The following ZNF224 variants were observed in gnomAD, a reference collection of about 807,000 sequenced individuals.
ZNF224 encodes zinc finger protein 224, also known as bone marrow zinc finger 2.
In ZNF224, 8 loss-of-function variants were observed where a neutral mutation model predicts 10.5. That is an observed-to-expected ratio of 0.76 (90% CI 0.45 to 1.37). The LOEUF (loss-of-function observed/expected upper bound fraction) is 1.37. ZNF224 is among the 40% of genes most tolerant of loss of function. The pLI is 0.00. For missense variants in ZNF224, 754 were observed against 854.0 expected (o/e 0.88, Z 1.46); for synonymous variants, 282 against 287.8 (o/e 0.98, Z 0.20).
chr19:44,102,629 G>C (rs1460812482), intron 5 of ZNF224, among the ~76,000 whole-genome samples: 1 of 152,182 alleles, frequency 6.6e-6, no homozygotes, highest in Non-Finnish European at 1.5e-5. Context: ...TGATTGCCTT[G>C]TGTGTTTACG....
chr19:44,100,523 G>A (rs568896703), intron 3 of ZNF224, among the ~76,000 whole-genome samples: 1 of 152,316 alleles, frequency 6.6e-6, no homozygotes, highest in South Asian at 2.1e-4. Flanking sequence ...AGCCCAGGAT[G>A]CCACATTTAG....
At chr19:44,098,014 G>A (rs1967475463) in intron 3 of ZNF224, 126 bp downstream of exon 3, 3 of 981,192 alleles carry the variant, frequency 3.1e-6, no homozygotes, top group South Asian at 1.7e-5. Flanking sequence ...TGTGTACCAT[G>A]TACTTCCTTT....
In ZNF224 at chr19:44,107,295, A is replaced by T; in HGVS notation, c.1135A>T (p.Lys379Ter). ...GCCATATAATTGTAAAGAGTGTGGGAAGAGCTTCAGATGGGCCTCGTGTCT... is the reference window on the plus strand; with the variant it reads ...GCCATATAATTGTAAAGAGTGTGGGTAGAGCTTCAGATGGGCCTCGTGTCT... ...EKPYNCKECG[K>*]SFRWASCLLK... Residue 379 changes from lysine to a stop codon, truncating the protein, a stop_gained, in exon 6 of 6, where the codon AAG becomes TAG. Transcript: ENST00000693561. LOFTEE classifies it low-confidence loss of function (END_TRUNC). 1 of 1,586,162 alleles carries T rather than the reference A, an allele frequency of 6.3e-7. No individual in the cohort carries two copies. Among genetic ancestry groups the T allele is most frequent in the Non-Finnish European group, 8.6e-7 (1 of 1,166,940 alleles).
intron 5 of ZNF224, chr19:44,105,539 A>ATT (rs1190400695): frequency 6.6e-6 from 1 of 151,114 alleles, no homozygotes; most frequent in East Asian, 1.9e-4. Context: ...GTCTTTTTTT[A>ATT]TTAAAGTATA....
chr19:44,108,183 A>G lies in ZNF224; in HGVS notation c.2023A>G (p.Met675Val), dbSNP rs993701542. ...TCTTGATATGCATCAGAGGGTCCAC[A>G]TGGGAGAGAAAACATGGAAGTGTAG... ...LNLDMHQRVH[M>V]GEKTWKCREC... Residue 675 changes from methionine (M) to valine (V), a missense_variant, in exon 6 of 6, where the codon ATG (methionine) becomes GTG (valine). Physicochemically the swap from Met to Val is conservative, Grantham distance 21. Transcript: ENST00000693561. 12 of 1,614,206 alleles carry G rather than the reference A, an allele frequency of 7.4e-6. No individual in the cohort carries two copies. Among genetic ancestry groups the G allele is most frequent in the Non-Finnish European group, 1.0e-5 (12 of 1,179,988 alleles).
Position 44,107,474 on chromosome 19 carries a change from A to G in ZNF224, c.1314A>G (p.Lys438=). The change falls in exon 6 of 6, where the codon AAA becomes AAG. Residue 438 remains lysine (K), a synonymous_variant. Transcript: ENST00000693561. ...YKCVECGKGY[K]RRLDLDFHQR... ...GTGTGGAGTGTGGGAAGGGCTACAA[A>G]AGGAGGTTGGATCTTGACTTTCACC... 3.7e-6 allele frequency: 6 copies of G among 1,600,514 alleles called. No individual in the cohort carries two copies. Among genetic ancestry groups the G allele is most frequent in the Non-Finnish European group, 4.3e-6 (5 of 1,174,174 alleles).
intron 5 of ZNF224, among the ~76,000 whole-genome samples, chr19:44,104,804 GGC>G (rs1967618487): frequency 6.6e-6 from 1 of 152,072 alleles, no homozygotes; most frequent in Admixed American, 6.5e-5. Flanking sequence ...TGGGACTACA[GGC>G]GCCCGCCACC....
chr19:44,106,267 G>A, intron 5 of ZNF224, 129 bp from the exon 6 acceptor site: 4 of 952,486 alleles, frequency 4.2e-6, no homozygotes, highest in Non-Finnish European at 6.2e-6. Context: ...AGATTATGGT[G>A]CACTTGAAAA....
At position 44,105,117 on chromosome 19, in the gene ZNF224, C is replaced by T. The variant is rs577150349; in HGVS notation, c.236-1279C>T. Reference sequence around the variant, plus strand: ...TTGCTCTTTGTGACATAGGGGGCACCGACCCCCAAAGGCGTGGCCAGCTAC... The same window carrying T: ...TTGCTCTTTGTGACATAGGGGGCACTGACCCCCAAAGGCGTGGCCAGCTAC... On this transcript the variant is annotated intron_variant, in intron 5 of 5. Transcript: ENST00000693561. Among the ~76,000 whole-genome samples, 10 of 152,230 alleles carry T rather than the reference C, an allele frequency of 6.6e-5. No individual in the cohort carries two copies. In the South Asian group the frequency reaches 8.3e-4, roughly 13 times the overall value.
intron 3 of ZNF224, among the ~76,000 whole-genome samples, chr19:44,098,152 G>C (rs1967478690): frequency 6.6e-6 from 1 of 152,124 alleles, no homozygotes; most frequent in Admixed American, 6.5e-5. Context: ...TCACACATTA[G>C]CTATTTTTAT....
At chr19:44,103,043 G>A (rs1967580760) in intron 5 of ZNF224, among the ~76,000 whole-genome samples, 1 of 152,144 alleles carries the variant, frequency 6.6e-6, no homozygotes, top group Non-Finnish European at 1.5e-5. Context: ...TCAAAAATAT[G>A]TATATTTCTG....
In ZNF224 at chr19:44,106,962, G is replaced by T; in HGVS notation, c.802G>T (p.Ala268Ser). 1 of 1,610,654 alleles carries T rather than the reference G, an allele frequency of 6.2e-7. No homozygotes were observed. Among genetic ancestry groups the T allele is most frequent in the Non-Finnish European group, 8.5e-7 (1 of 1,177,942 alleles). Reference protein sequence around the residue: ...KPYNCEECGKAFIHDSQLQEH... With the variant: ...KPYNCEECGKSFIHDSQLQEH... ...TTATAATTGTGAGGAATGCGGGAAGGCCTTCATTCACGATTCCCAGCTTCA... is the reference window on the plus strand; with the variant it reads ...TTATAATTGTGAGGAATGCGGGAAGTCCTTCATTCACGATTCCCAGCTTCA... Residue 268 changes from alanine (A) to serine (S), a missense_variant, in exon 6 of 6, where the codon GCC (alanine) becomes TCC (serine). Physicochemically the swap from Ala to Ser is moderately conservative, Grantham distance 99 (BLOSUM62 1). Transcript: ENST00000693561.
rs747582455 is a variant in ZNF224, at chr19:44,108,965, A to G, written c.*681A>G. ...TGATCAGATTTATCATATTCATTGA[A>G]CATTATTTTATTGCACTTGGCTCCT... is the stretch of plus-strand genomic sequence containing the variant. On this transcript the variant is annotated 3_prime_UTR_variant, in exon 6 of 6. Transcript: ENST00000693561. The G allele has an allele frequency of 4.3e-6, 1 of 234,672 alleles. No homozygotes were observed. The highest frequency in any genetic ancestry group is 2.3e-5 in the African/African-American group (1 of 43,414). 14.5% of individuals were successfully genotyped at this position (234,672 alleles called of 1,614,324 possible). A position where few individuals can be genotyped will look rare whatever the true frequency, so the allele number is the denominator to read the frequency against.
In ZNF224 at chr19:44,106,830, A is replaced by G; in HGVS notation, c.670A>G (p.Arg224Gly). ...SQSSHLQTHQ[R>G]VHTGEKPFKC... is the part of the protein sequence containing the mutation. ...GAGTTCACATCTGCAAACTCATCAG[A>G]GAGTCCACACTGGAGAGAAACCGTT... Residue 224 changes from arginine (R) to glycine (G), a missense_variant, in exon 6 of 6, where the codon AGA becomes GGA. Arg to Gly is a moderately radical substitution (Grantham distance 125). Transcript: ENST00000693561. The G allele has an allele frequency of 1.2e-6, 2 of 1,613,820 alleles. No individual in the cohort carries two copies. Among genetic ancestry groups the G allele is most frequent in the East Asian group, 2.2e-5 (1 of 44,874 alleles).
Position 44,107,319 on chromosome 19 carries a change from C to T in ZNF224, c.1159C>T (p.Leu387Phe). ...GAAGAGCTTCAGATGGGCCTCGTGT[C>T]TTTTGAAACATCAGCGAGTCCACAG... ...CGKSFRWASC[L>F]LKHQRVHSGE... The change falls in exon 6 of 6, where the codon CTT becomes TTT. Residue 387 changes from leucine (L) to phenylalanine (F), a missense_variant. Transcript: ENST00000693561. The T allele has an allele frequency of 6.3e-7, 1 of 1,586,322 alleles. No homozygotes were observed. Among genetic ancestry groups the T allele is most frequent in the Non-Finnish European group, 8.6e-7 (1 of 1,168,042 alleles).
chr19:44,101,663 G>C (rs1220593540), intron 5 of ZNF224, among the ~76,000 whole-genome samples: 1 of 152,152 alleles, frequency 6.6e-6, no homozygotes, highest in Admixed American at 6.5e-5. Context: ...CTGGTACCCA[G>C]TGACCACAGA....
intron 2 of ZNF224, among the ~76,000 whole-genome samples, chr19:44,097,270 C>G (rs1334031438): frequency 6.6e-6 from 1 of 152,080 alleles, no homozygotes. Context: ...TTTTTCCAAC[C>G]TATTGTATCA....
rs774991382 is a variant in ZNF224 at position 44,107,920 on chromosome 19, A to G, written c.1760A>G (p.Gln587Arg). 1.2e-6 allele frequency: 2 copies of G among 1,614,092 alleles called. No homozygotes were observed. The highest frequency in any genetic ancestry group is 2.2e-5 in the South Asian group (2 of 91,082). ...FTQNSQLHSH[Q>R]RVHTGEKPYK... Reference sequence around the variant, plus strand: ...CAGAATTCACAGCTTCATTCTCATCAAAGAGTGCACACTGGAGAAAAGCCA... The same window carrying G: ...CAGAATTCACAGCTTCATTCTCATCGAAGAGTGCACACTGGAGAAAAGCCA... Residue 587 changes from glutamine (Q) to arginine (R), a missense_variant, in exon 6 of 6, where the codon CAA becomes CGA. Physicochemically the swap from Gln to Arg is conservative, Grantham distance 43. Transcript: ENST00000693561.
intron 3 of ZNF224, among the ~76,000 whole-genome samples, chr19:44,098,297 C>T (rs926876994): frequency 2.0e-5 from 3 of 152,106 alleles, no homozygotes; most frequent in African/African-American, 4.8e-5. Context: ...CCCATTTAAT[C>T]GATGTTCCTT....
Sources: gnomAD v4.1 joint callset for allele counts (sites outside exome capture counted in the v4.1 genomes callset) on GRCh38, gnomAD v4.1.1 for gene constraint, MANE v1.5 for transcripts, NCBI Gene and HGNC (gene_info 2026-07-23, HGNC 2026-07-21) for gene names.